The following MEGF11 variants were observed in gnomAD, a reference collection of about 807,000 sequenced individuals.
MEGF11 encodes multiple EGF like domains 11.
A neutral mutation model predicts 146.6 loss-of-function variants in MEGF11; 126 were observed. The observed-to-expected ratio is 0.86, with a 90% CI of 0.74 to 1.00. The LOEUF (loss-of-function observed/expected upper bound fraction) is 1.00, where lower values mean the gene tolerates loss of function less well. Ranked by LOEUF, MEGF11 falls within the 50% of genes least tolerant of loss-of-function variation. The pLI, the probability that MEGF11 is intolerant of heterozygous loss-of-function variation, is 0.00. For missense variants in MEGF11, 1,509 were observed against 1,521.2 expected (o/e 0.99, Z 0.13); for synonymous variants, 532 against 583.4 (o/e 0.91, Z 1.27).
At chr15:66,014,458 G>A (rs1014999496) in intron 5 of MEGF11, among the ~76,000 whole-genome samples, 3 of 152,198 alleles carry the variant, frequency 2.0e-5, no homozygotes, top group Non-Finnish European at 4.4e-5. Flanking sequence ...CAATGACCTG[G>A]CTTCCATTGT....
chr15:66,014,732 A>G (rs907181818), intron 5 of MEGF11, among the ~76,000 whole-genome samples: 5 of 152,164 alleles, frequency 3.3e-5, no homozygotes, highest in East Asian at 1.9e-4. Flanking sequence ...AGAAAATTAA[A>G]CTGCTGAGAA....
rs2078382228 is a variant in MEGF11, at chr15:65,897,624, A to C, written c.*310T>G. The C allele has an allele frequency of 1.1e-5, 2 of 178,608 alleles. No homozygotes were observed. Among genetic ancestry groups the C allele is most frequent in the Admixed American group, 1.2e-4 (2 of 16,024 alleles). The allele number at this position is 178,608 out of a possible 1,614,324, so 11.1% of individuals were successfully genotyped here. A position where few individuals can be genotyped will look rare whatever the true frequency, so the allele number is the denominator to read the frequency against. On this transcript the variant is annotated 3_prime_UTR_variant, in exon 26 of 26. Coordinates refer to ENST00000395614, the MANE Select transcript of MEGF11 (RefSeq NM_001385028.1). ...ACATGTTTTTAAAATATCACGTTTCAGATAAATATATATATATATATCAGC... is the reference window on the plus strand; with the variant it reads ...ACATGTTTTTAAAATATCACGTTTCCGATAAATATATATATATATATCAGC...
chr15:65,963,819 G>A (rs1032793577), intron 9 of MEGF11, among the ~76,000 whole-genome samples: 1 of 152,186 alleles, frequency 6.6e-6, no homozygotes, highest in Non-Finnish European at 1.5e-5. Context: ...AGTTTAACTC[G>A]TTAACACTTG....
At chr15:65,976,615 A>C (rs913411496) in intron 7 of MEGF11, among the ~76,000 whole-genome samples, 1 of 152,230 alleles carries the variant, frequency 6.6e-6, no homozygotes, top group African/African-American at 2.4e-5. Flanking sequence ...TTCAGCCTTC[A>C]GAACTGTGAG....
intron 7 of MEGF11, among the ~76,000 whole-genome samples, chr15:65,977,474 CCT>C (rs1336441935): frequency 6.7e-6 from 1 of 150,314 alleles, no homozygotes; most frequent in Non-Finnish European, 1.5e-5. Context: ...AAACTCTCTC[CCT>C]CTTTTTTTTT....
At chr15:66,074,264 A>C (rs1325145891) in intron 5 of MEGF11, among the ~76,000 whole-genome samples, 1 of 152,220 alleles carries the variant, frequency 6.6e-6, no homozygotes, top group African/African-American at 2.4e-5. Flanking sequence ...AAATGATACC[A>C]TATGGTTTGT....
chr15:65,922,989 T>C lies in MEGF11; in HGVS notation c.1676-20A>G. 6.2e-7 allele frequency: 1 copy of C among 1,609,962 alleles called. No homozygotes were observed. The highest frequency in any genetic ancestry group is 8.5e-7 in the Non-Finnish European group (1 of 1,178,636). On this transcript the variant is annotated intron_variant, in intron 13 of 25. Coordinates refer to ENST00000395614, the MANE Select transcript of MEGF11 (RefSeq NM_001385028.1). ...GGATGCCTGTGGGCCAGAGGCAGAC[T>C]CGGGTCAGTGGTAAGAGAGGTGAGG...
intron 13 of MEGF11, among the ~76,000 whole-genome samples, chr15:65,925,639 C>T (rs539662854): frequency 2.3e-4 from 35 of 152,220 alleles, no homozygotes; most frequent in African/African-American, 7.9e-4. Context: ...AGGGATAGTC[C>T]CCCTCAGAGG....
At chr15:65,927,503 G>A (rs2079412777) in intron 13 of MEGF11, among the ~76,000 whole-genome samples, 1 of 152,226 alleles carries the variant, frequency 6.6e-6, no homozygotes, top group Admixed American at 6.5e-5. Context: ...TCTGATTTAA[G>A]TACCACAATA....
At chr15:66,157,341 C>T (rs1436094602) in intron 1 of MEGF11, among the ~76,000 whole-genome samples, 4 of 152,216 alleles carry the variant, frequency 2.6e-5, no homozygotes, top group Admixed American at 6.5e-5. Context: ...AACAAATCAG[C>T]TCTGTTCTAA....
chr15:66,164,888 C>A (rs1249842115), intron 1 of MEGF11, among the ~76,000 whole-genome samples: 1 of 152,202 alleles, frequency 6.6e-6, no homozygotes, highest in Non-Finnish European at 1.5e-5. Context: ...CAGTTCCAGG[C>A]AGGTGACTGC....
intron 1 of MEGF11, among the ~76,000 whole-genome samples, chr15:66,160,235 G>T (rs2089900985): frequency 9.3e-6 from 1 of 107,392 alleles, no homozygotes; most frequent in Non-Finnish European, 1.8e-5. Flanking sequence ...GCCTCCCAAG[G>T]AAAAGCCCTC....
intron 9 of MEGF11, among the ~76,000 whole-genome samples, chr15:65,962,255 G>A (rs574554805): frequency 1.3e-5 from 2 of 152,288 alleles, no homozygotes; most frequent in South Asian, 2.1e-4. Context: ...CTGTTTTCTG[G>A]TGTCCATAAG....
At chr15:66,158,056 G>A (rs553891926) in intron 1 of MEGF11, among the ~76,000 whole-genome samples, 1 of 152,266 alleles carries the variant, frequency 6.6e-6, no homozygotes, top group African/African-American at 2.4e-5. Context: ...CCATTTGTCG[G>A]ATGAAATGTT....
chr15:66,192,623 C>G (rs1741212898), intron 1 of MEGF11, among the ~76,000 whole-genome samples: 1 of 152,074 alleles, frequency 6.6e-6, no homozygotes, highest in Non-Finnish European at 1.5e-5. Flanking sequence ...ACATAATTTG[C>G]CCAAGGTCAC....
At chr15:65,942,800 C>T (rs1479940564) in intron 10 of MEGF11, among the ~76,000 whole-genome samples, 1 of 152,014 alleles carries the variant, frequency 6.6e-6, no homozygotes, top group African/African-American at 2.4e-5. Flanking sequence ...TCTGCTGGGA[C>T]CTGCTCCCTC....
chr15:66,143,139 C>A (rs991031242), intron 1 of MEGF11, among the ~76,000 whole-genome samples: 4 of 152,250 alleles, frequency 2.6e-5, no homozygotes, highest in Non-Finnish European at 5.9e-5. Flanking sequence ...GATAACTAAT[C>A]TATGATTGGA....
At chr15:66,017,669 C>T (rs972530071) in intron 5 of MEGF11, among the ~76,000 whole-genome samples, 1 of 152,206 alleles carries the variant, frequency 6.6e-6, no homozygotes, top group South Asian at 2.1e-4. Context: ...AGGCTCGGCT[C>T]CACTTGCTAG....
At position 66,072,309 on chromosome 15, in the gene MEGF11, T is replaced by A. The variant is rs149849113; in HGVS notation, c.394+22093A>T. ...CCCTAGTTTTTGGCCTGGTGGCTCCTCCTTGCATTCAAGTCTTGGCTCAAA... is the reference window on the plus strand; with the variant it reads ...CCCTAGTTTTTGGCCTGGTGGCTCCACCTTGCATTCAAGTCTTGGCTCAAA... On this transcript the variant is annotated intron_variant, in intron 5 of 25. Coordinates refer to ENST00000395614, the MANE Select transcript of MEGF11 (RefSeq NM_001385028.1). 1.2e-4 allele frequency among the ~76,000 whole-genome samples: 19 copies of A among 152,340 alleles called. No individual in the cohort carries two copies. The East Asian group carries it at 3.7e-3, about 29-fold the overall frequency.
Sources: gnomAD v4.1 joint callset for allele counts (sites outside exome capture counted in the v4.1 genomes callset) on GRCh38, gnomAD v4.1.1 for gene constraint, MANE v1.5 for transcripts, NCBI Gene and HGNC (gene_info 2026-07-23, HGNC 2026-07-21) for gene names.